NOX4: variants seen among roughly 807,000 people sequenced by gnomAD.
NOX4 encodes NADPH oxidase 4.
A neutral mutation model predicts 87.6 loss-of-function variants in NOX4; 69 were observed. That is an observed-to-expected ratio of 0.79 (90% CI 0.65 to 0.96). The LOEUF is 0.96. Among genes scored for constraint, NOX4 ranks in the 40% least tolerant of loss-of-function variants. The pLI is 0.00. For missense variants in NOX4, 680 were observed against 681.5 expected, an observed-to-expected ratio of 1.00 and a Z score of 0.02; for synonymous variants, 275 against 238.2, an observed-to-expected ratio of 1.15 and a Z score of -1.42.
chr11:89,470,031 C>T (rs1238812868), intron 2 of NOX4, among the ~76,000 whole-genome samples: 2 of 151,618 alleles, frequency 1.3e-5, no homozygotes, highest in African/African-American at 4.8e-5. Flanking sequence ...TCTTAGGTAA[C>T]TATGTGACTT....
At chr11:89,529,906 T>C in the NOX4 span, among the ~76,000 whole-genome samples, 1 of 152,140 alleles carries the variant, frequency 6.6e-6, no homozygotes, top group African/African-American at 2.4e-5. Context: ...ATGGCTCCCA[T>C]TTCACTCAAT....
Position 89,421,901 on chromosome 11 carries a change from C to A in NOX4, c.629+1G>T, listed in dbSNP as rs1389875573. On this transcript the variant is annotated splice_donor_variant, in intron 8 of 17. Transcript: ENST00000263317. LOFTEE classifies it high-confidence loss of function. ...TTAAATACATACATTTGTAAACTTA[C>A]CCTGAAACATGCAACGTCAGCAGCA... The A allele has an allele frequency of 6.4e-7, 1 of 1,557,994 alleles. No homozygotes were observed. The highest frequency in any genetic ancestry group is 2.4e-5 in the East Asian group (1 of 41,630).
chr11:89,500,154 A>C (rs559170760), upstream of NOX4, among the ~76,000 whole-genome samples: 76 of 152,268 alleles, frequency 5.0e-4, no homozygotes, highest in African/African-American at 1.8e-3. Context: ...AAAGGAGAAT[A>C]ATCTTGCATC....
intron 6 of NOX4, among the ~76,000 whole-genome samples, chr11:89,438,894 AT>A (rs561216790): frequency 0.013 from 561 of 41,820 alleles, 15 homozygotes; most frequent in African/African-American, 0.067. Flanking sequence ...TATATTATAT[AT>A]TATATATATA....
chr11:89,487,308 G>A (rs575123485), intron 2 of NOX4, among the ~76,000 whole-genome samples: 2 of 152,194 alleles, frequency 1.3e-5, no homozygotes, highest in East Asian at 3.9e-4. Flanking sequence ...CATATCACAG[G>A]TATAAGTAAA....
At chr11:89,434,647 CTTGT>C (rs1415081162) in intron 6 of NOX4, among the ~76,000 whole-genome samples, 1 of 147,690 alleles carries the variant, frequency 6.8e-6, no homozygotes, top group African/African-American at 2.5e-5. Context: ...CATGCAAAGA[CTTGT>C]TTAAGAATGT....
intron 11 of NOX4, among the ~76,000 whole-genome samples, chr11:89,385,306 G>A (rs1940618909): frequency 6.6e-6 from 1 of 152,048 alleles, no homozygotes; most frequent in South Asian, 2.1e-4. Flanking sequence ...TCACTGCAAG[G>A]GTCATCAAAA....
chr11:89,421,760 G>A (rs564331459), intron 8 of NOX4, 142 bp downstream of exon 8: 6 of 525,762 alleles, frequency 1.1e-5, no homozygotes, highest in East Asian at 1.0e-4. Flanking sequence ...TTCCATTCTT[G>A]ACGTTATCCT....
At position 89,342,126 on chromosome 11, in the gene NOX4, C is replaced by G. The variant is rs534257357; in HGVS notation, c.1285G>C (p.Val429Leu). The change falls in exon 14 of 18, where the codon GTG (valine) becomes CTG (leucine). Residue 429 changes from valine to leucine, a missense_variant. Coordinates refer to ENST00000263317, the MANE Select transcript of NOX4 (RefSeq NM_016931.5). Reference protein sequence around the residue: ...ESLNYEVSLCVAGGIGVTPFA... With the variant: ...ESLNYEVSLCLAGGIGVTPFA... ...GGAGTTACTCCAATGCCTCCAGCCA[C>G]GCAGAGGCTGACCTCATAGTTCAGT... 1 of 1,612,762 alleles carries G rather than the reference C, an allele frequency of 6.2e-7. No homozygotes were observed. Among genetic ancestry groups the G allele is most frequent in the Admixed American group, 1.7e-5 (1 of 60,006 alleles).
At chr11:89,415,836 A>G (rs1358249729) in intron 8 of NOX4, among the ~76,000 whole-genome samples, 1 of 152,150 alleles carries the variant, frequency 6.6e-6, no homozygotes, top group African/African-American at 2.4e-5. Flanking sequence ...CAGAGAGTTT[A>G]TAAAAGATTT....
chr11:89,486,441 G>A (rs1268736940), intron 2 of NOX4, among the ~76,000 whole-genome samples: 1 of 149,030 alleles, frequency 6.7e-6, no homozygotes, highest in Admixed American at 6.7e-5. Context: ...TTACATGCAT[G>A]TGCCACCACG....
At chr11:89,527,352 A>C in the NOX4 span, among the ~76,000 whole-genome samples, 4 of 152,182 alleles carry the variant, frequency 2.6e-5, no homozygotes, top group African/African-American at 7.2e-5. Context: ...AGAAAATCCC[A>C]TTTTCTGAGG....
intron 13 of NOX4, among the ~76,000 whole-genome samples, chr11:89,349,985 T>C (rs1009249502): frequency 6.6e-6 from 1 of 152,242 alleles, no homozygotes; most frequent in African/African-American, 2.4e-5. Flanking sequence ...TTGTTTTTTA[T>C]CTCCATTTGT....
chr11:89,422,547 G>T (rs535388743), intron 7 of NOX4, among the ~76,000 whole-genome samples: 13 of 152,230 alleles, frequency 8.5e-5, no homozygotes, highest in African/African-American at 2.6e-4. Context: ...TCTACAGAAT[G>T]TTTGAGAGAA....
chr11:89,442,830 C>T (rs777277782), intron 5 of NOX4, among the ~76,000 whole-genome samples: 22 of 151,460 alleles, frequency 1.5e-4, no homozygotes, highest in Non-Finnish European at 2.5e-4. Flanking sequence ...AATGAGAAAA[C>T]CATTAAAGTT....
chr11:89,524,337 A>T, the NOX4 span, among the ~76,000 whole-genome samples: 5 of 152,158 alleles, frequency 3.3e-5, no homozygotes, highest in Admixed American at 3.3e-4. Context: ...AAAACTATGT[A>T]ATTAGTTAAA....
At chr11:89,402,680 T>C (rs1273439557) in intron 8 of NOX4, 138 bp from the exon 9 acceptor site, 4 of 705,420 alleles carry the variant, frequency 5.7e-6, no homozygotes, top group Admixed American at 6.1e-5. Flanking sequence ...GTGTTCCTTA[T>C]GTATTATGTT....
At chr11:89,479,565 C>A (rs1565341878) in intron 2 of NOX4, among the ~76,000 whole-genome samples, 1 of 152,128 alleles carries the variant, frequency 6.6e-6, no homozygotes, top group Non-Finnish European at 1.5e-5. Context: ...ATATATCAGA[C>A]CTCTGAAAGT....
At chr11:89,523,812 T>A in the NOX4 span, among the ~76,000 whole-genome samples, 1 of 152,150 alleles carries the variant, frequency 6.6e-6, no homozygotes, top group Non-Finnish European at 1.5e-5. Flanking sequence ...TAACTACTAG[T>A]ACATTCAGCA....
Sources: allele counts gnomAD v4.1 joint callset (sites outside exome capture counted in the v4.1 genomes callset), GRCh38; gene constraint gnomAD v4.1.1; transcripts MANE v1.5; gene names NCBI Gene and HGNC (gene_info 2026-07-23, HGNC 2026-07-21).